The following FAM219A variants were observed in gnomAD, a reference collection of about 807,000 sequenced individuals.
FAM219A encodes protein FAM219A.
A neutral mutation model predicts 23.4 loss-of-function variants in FAM219A; 7 were observed. That is an observed-to-expected ratio of 0.30 (90% confidence interval 0.17 to 0.56). The LOEUF (loss-of-function observed/expected upper bound fraction) is 0.56. FAM219A is among the 20% of genes least tolerant of loss of function. The probability of loss-of-function intolerance (pLI) is 0.92; values close to 1 mark genes in which losing one functional copy is unlikely to be tolerated. For synonymous variants in FAM219A, 93 were observed against 99.0 expected (o/e 0.94, Z 0.36); for missense variants, 166 against 246.9 (o/e 0.67, Z 2.20).
chr9:34,408,475 C>T (rs141164050), intron 1 of FAM219A, among the ~76,000 whole-genome samples: 1 of 152,218 alleles, frequency 6.6e-6, no homozygotes, highest in African/African-American at 2.4e-5. Context: ...GCTGATAGGA[C>T]CCTACCAGGG....
At position 34,398,692 on chromosome 9, in the gene FAM219A, A is replaced by G; in HGVS notation, c.*2272T>C. The G allele has an allele frequency of 3.4e-6, 1 of 295,652 alleles. No homozygotes were observed. The highest frequency in any genetic ancestry group is 6.5e-6 in the Non-Finnish European group (1 of 154,580). The allele number at this position is 295,652 out of a possible 1,614,324, so 18.3% of individuals were successfully genotyped here. On this transcript the variant is annotated 3_prime_UTR_variant, in exon 6 of 6. Coordinates refer to ENST00000651358, the MANE Select transcript of FAM219A (RefSeq NM_001184940.2). Reference sequence around the variant, plus strand: ...GCAGCAGTCTAAATGAGCCCCCAAAAAGAGGAGGTACCCATGTTCTAGAAA... The same window carrying G: ...GCAGCAGTCTAAATGAGCCCCCAAAGAGAGGAGGTACCCATGTTCTAGAAA...
chr9:34,447,570 T>TC (rs1418886864), intron 1 of FAM219A, among the ~76,000 whole-genome samples: 1 of 152,232 alleles, frequency 6.6e-6, no homozygotes, highest in African/African-American at 2.4e-5. Context: ...GCTAAGGCTG[T>TC]ATAACCTATA....
At chr9:34,456,174 CAG>C (rs1394758264) in intron 1 of FAM219A, among the ~76,000 whole-genome samples, 1 of 152,052 alleles carries the variant, frequency 6.6e-6, no homozygotes, top group Non-Finnish European at 1.5e-5. Context: ...GCCTGGGTGA[CAG>C]AGAGGGACCC....
intron 1 of FAM219A, among the ~76,000 whole-genome samples, chr9:34,415,012 T>A (rs1476523418): frequency 6.6e-6 from 1 of 152,130 alleles, no homozygotes; most frequent in Non-Finnish European, 1.5e-5. Context: ...AGTGCAGTGG[T>A]GCTGTCACAG....
chr9:34,407,660 G>T (rs1326550143), intron 1 of FAM219A, among the ~76,000 whole-genome samples: 1 of 152,210 alleles, frequency 6.6e-6, no homozygotes, highest in Non-Finnish European at 1.5e-5. Flanking sequence ...GCAGGCCCAA[G>T]CATCAGTCTG....
intron 1 of FAM219A, among the ~76,000 whole-genome samples, chr9:34,439,284 C>T (rs546612845): frequency 2.0e-5 from 3 of 152,218 alleles, no homozygotes; most frequent in East Asian, 1.9e-4. Flanking sequence ...GTAGGACACA[C>T]GTCTGCAGGG....
chr9:34,408,744 T>C (rs942723956), intron 1 of FAM219A, among the ~76,000 whole-genome samples: 1 of 152,214 alleles, frequency 6.6e-6, no homozygotes, highest in African/African-American at 2.4e-5. Context: ...TGATGACTTC[T>C]AAATCTGTGG....
rs1822447135 is a variant in FAM219A, at chr9:34,425,903, G to A, written c.61-19939C>T. Among the ~76,000 whole-genome samples, 7 of 152,308 alleles carry A rather than the reference G, an allele frequency of 4.6e-5. No individual in the cohort carries two copies. In the South Asian group the frequency reaches 1.2e-3, roughly 27 times the overall value. On this transcript the variant is annotated intron_variant, in intron 1 of 5. Coordinates refer to ENST00000651358, the MANE Select transcript of FAM219A (RefSeq NM_001184940.2). Reference sequence around the variant, plus strand: ...TTGAATGAATGTTTTATGCTATTTGGTGCATTTTAAGTAACCCAATAGGCT... The same window carrying A: ...TTGAATGAATGTTTTATGCTATTTGATGCATTTTAAGTAACCCAATAGGCT...
chr9:34,433,155 T>C (rs1433127341), intron 1 of FAM219A, among the ~76,000 whole-genome samples: 1 of 152,210 alleles, frequency 6.6e-6, no homozygotes, highest in Non-Finnish European at 1.5e-5. Flanking sequence ...TTTATATCAG[T>C]ATGGATTAAT....
In FAM219A at chr9:34,418,826, T is replaced by A. The variant is rs140564724; in HGVS notation, c.61-12862A>T. Among the ~76,000 whole-genome samples the A allele has an allele frequency of 4.7e-3, 710 of 152,208 alleles. 4 individuals are homozygous for A. Among genetic ancestry groups the A allele is most frequent in the Non-Finnish European group, 8.2e-3 (558 of 67,998 alleles). On this transcript the variant is annotated intron_variant, in intron 1 of 5. Coordinates refer to ENST00000651358, the MANE Select transcript of FAM219A (RefSeq NM_001184940.2). Reference sequence around the variant, plus strand: ...GGCTCATGCCTGTAATCCCAGCACTTTGGGAGGCCGAGGTGGGTGGATCAC... The same window carrying A: ...GGCTCATGCCTGTAATCCCAGCACTATGGGAGGCCGAGGTGGGTGGATCAC...
chr9:34,448,367 A>G (rs1823442620), intron 1 of FAM219A, among the ~76,000 whole-genome samples: 1 of 152,224 alleles, frequency 6.6e-6, no homozygotes, highest in South Asian at 2.1e-4. Flanking sequence ...CATAGCAGAC[A>G]TGGAAAATCA....
At chr9:34,436,030 C>T (rs1487645420) in intron 1 of FAM219A, among the ~76,000 whole-genome samples, 2 of 152,098 alleles carry the variant, frequency 1.3e-5, no homozygotes, top group African/African-American at 4.8e-5. Flanking sequence ...GTCTCAATCT[C>T]CTGACCTCAG....
intron 1 of FAM219A, among the ~76,000 whole-genome samples, chr9:34,438,998 G>A (rs1218832813): frequency 6.6e-6 from 1 of 152,024 alleles, no homozygotes; most frequent in East Asian, 1.9e-4. Flanking sequence ...CCTGAAACCA[G>A]CGAGACCACG....
At chr9:34,456,824 A>C (rs1047114192) in intron 1 of FAM219A, among the ~76,000 whole-genome samples, 1 of 152,192 alleles carries the variant, frequency 6.6e-6, no homozygotes, top group Non-Finnish European at 1.5e-5. Flanking sequence ...CTGTCTAAGC[A>C]GTCATGAAAG....
chr9:34,401,855 G>T, intron 4 of FAM219A, 135 bp from the exon 5 acceptor site: 1 of 965,078 alleles, frequency 1.0e-6, no homozygotes, highest in Non-Finnish European at 1.6e-6. Flanking sequence ...TACGAACTGT[G>T]CTTGCTGTGC....
intron 1 of FAM219A, among the ~76,000 whole-genome samples, chr9:34,456,053 C>CGTG (rs1406449465): frequency 3.3e-5 from 5 of 152,068 alleles, no homozygotes; most frequent in Non-Finnish European, 5.9e-5. Flanking sequence ...ATTAGCCATG[C>CGTG]GTGGTGGCAG....
intron 1 of FAM219A, among the ~76,000 whole-genome samples, chr9:34,428,273 A>T (rs190095126): frequency 2.6e-4 from 39 of 152,350 alleles, no homozygotes; most frequent in Admixed American, 1.1e-3. Context: ...GGGCAAACAG[A>T]TGGTAAAGGA....
chr9:34,406,045 C>A, intron 1 of FAM219A, 81 bp from the exon 2 acceptor site: 1 of 1,366,120 alleles, frequency 7.3e-7, no homozygotes. Flanking sequence ...GCTAGCCTTC[C>A]CACCTGCCCT....
rs998483343 is a variant in FAM219A at position 34,402,537 on chromosome 9, G to T, written c.264-70C>A. 6 of 1,593,762 alleles carry T rather than the reference G, an allele frequency of 3.8e-6. No individual in the cohort carries two copies. The African/African-American group carries it at 5.4e-5, about 14-fold the overall frequency. On this transcript the variant is annotated intron_variant, in intron 3 of 5. Transcript: ENST00000651358. ...GAAACCTGGCAAGGGACTGGGTTGG[G>T]CCCCGTCCCACCACTTTCTTCCCTC...
Sources: gnomAD v4.1 joint callset for allele counts (sites outside exome capture counted in the v4.1 genomes callset) on GRCh38, gnomAD v4.1.1 for gene constraint, MANE v1.5 for transcripts, NCBI Gene and HGNC (gene_info 2026-07-23, HGNC 2026-07-21) for gene names.